The following MACROD2 variants were observed in gnomAD, a reference collection of about 807,000 sequenced individuals.
The protein encoded by MACROD2 is ADP-ribose glycohydrolase MACROD2.
A neutral mutation model predicts 70.4 loss-of-function variants in MACROD2; 36 were observed. That is an observed-to-expected ratio of 0.51 (90% CI 0.39 to 0.68). The LOEUF (loss-of-function observed/expected upper bound fraction) is 0.68. MACROD2 is among the 30% of genes least tolerant of loss of function. MACROD2 has a pLI of 0.00. For missense variants in MACROD2, 496 were observed against 538.4 expected (o/e 0.92, Z 0.78); for synonymous variants, 172 against 178.8 (o/e 0.96, Z 0.30).
chr20:15,791,083 ATTATTTTTC>A (rs1299639243), intron 8 of MACROD2, among the ~76,000 whole-genome samples: 3 of 151,764 alleles, frequency 2.0e-5, no homozygotes, highest in African/African-American at 7.2e-5. Flanking sequence ...CAATTCTACT[ATTATTTTTC>A]TTTGTTTTCC....
At chr20:16,003,073 C>CA (rs1491439856) in intron 15 of MACROD2, among the ~76,000 whole-genome samples, 38 of 37,056 alleles carry the variant, frequency 1.0e-3, no homozygotes, top group African/African-American at 2.3e-3. Flanking sequence ...AGAAAACCCA[C>CA]CCACCCACCC....
intron 5 of MACROD2, among the ~76,000 whole-genome samples, chr20:14,789,455 T>C (rs2072419610): frequency 7.5e-6 from 1 of 133,432 alleles, no homozygotes; most frequent in Non-Finnish European, 1.6e-5. Context: ...AATCAGGTAG[T>C]GCAAATTTTT....
In MACROD2 at chr20:14,867,829, G is replaced by T. The variant is rs1248655272; in HGVS notation, c.418+182870G>T. On this transcript the variant is annotated intron_variant, in intron 5 of 17. Coordinates refer to ENST00000684519, the MANE Select transcript of MACROD2 (RefSeq NM_001351661.2). ...TGTCTAAAAAGTCTGATATTGTGGT[G>T]TCACCTCTTTCTCCAAATTCCTGCT... is the stretch of plus-strand genomic sequence containing the variant. 2.0e-5 allele frequency among the ~76,000 whole-genome samples: 3 copies of T among 152,018 alleles called. No individual in the cohort carries two copies. In the East Asian group the frequency reaches 5.8e-4, roughly 29 times the overall value.
chr20:15,630,663 A>G (rs1483427171), intron 8 of MACROD2, among the ~76,000 whole-genome samples: 1 of 152,224 alleles, frequency 6.6e-6, no homozygotes, highest in Non-Finnish European at 1.5e-5. Context: ...AGTGAGTTTA[A>G]TGTTCACGAA....
chr20:14,854,873 G>A (rs1018679099), intron 5 of MACROD2, among the ~76,000 whole-genome samples: 10 of 152,034 alleles, frequency 6.6e-5, no homozygotes, highest in South Asian at 2.1e-4. Flanking sequence ...AAAATTAGCC[G>A]GGTGTGGTGG....
At chr20:15,418,688 G>A (rs2046188275) in intron 6 of MACROD2, among the ~76,000 whole-genome samples, 1 of 152,168 alleles carries the variant, frequency 6.6e-6, no homozygotes, top group South Asian at 2.1e-4. Context: ...CTCCACTTGG[G>A]TTTGTTTAAA....
intron 5 of MACROD2, among the ~76,000 whole-genome samples, chr20:14,997,228 A>G (rs910466085): frequency 2.6e-5 from 4 of 152,168 alleles, no homozygotes; most frequent in Admixed American, 1.3e-4. Context: ...ACCACAGTAA[A>G]ATAAAGCACC....
chr20:14,461,393 T>A (rs1007713851), intron 3 of MACROD2, among the ~76,000 whole-genome samples: 1 of 151,986 alleles, frequency 6.6e-6, no homozygotes, highest in Non-Finnish European at 1.5e-5. Flanking sequence ...GATTCACTGA[T>A]TTTTTTGAAG....
intron 3 of MACROD2, among the ~76,000 whole-genome samples, chr20:14,134,193 C>A (rs993296751): frequency 1.3e-5 from 2 of 152,126 alleles, no homozygotes; most frequent in African/African-American, 4.8e-5. Flanking sequence ...GTTTTGTGAA[C>A]CTACAGCTTA....
intron 5 of MACROD2, among the ~76,000 whole-genome samples, chr20:14,990,226 A>C (rs1040959591): frequency 6.6e-6 from 1 of 152,106 alleles, no homozygotes; most frequent in Non-Finnish European, 1.5e-5. Context: ...GATCAGCCTC[A>C]TATTTAATAT....
chr20:14,257,970 T>C (rs552387792), intron 3 of MACROD2, among the ~76,000 whole-genome samples: 1 of 152,250 alleles, frequency 6.6e-6, no homozygotes, highest in Admixed American at 6.5e-5. Flanking sequence ...CCATTTAAAA[T>C]TGAGAACATA....
intron 6 of MACROD2, among the ~76,000 whole-genome samples, chr20:15,413,246 G>A (rs1025808127): frequency 2.0e-5 from 3 of 152,004 alleles, no homozygotes; most frequent in East Asian, 1.9e-4. Flanking sequence ...GGCAAGTTTC[G>A]CTTCACATCA....
intron 8 of MACROD2, among the ~76,000 whole-genome samples, chr20:15,759,573 C>A (rs984297620): frequency 5.3e-5 from 8 of 152,108 alleles, no homozygotes; most frequent in Admixed American, 2.0e-4. Flanking sequence ...TACCTATTTC[C>A]CAAATTGCGC....
chr20:14,672,256 C>G (rs966735507), intron 4 of MACROD2, among the ~76,000 whole-genome samples: 1 of 152,176 alleles, frequency 6.6e-6, no homozygotes, highest in African/African-American at 2.4e-5. Flanking sequence ...AGTTGGCCTC[C>G]GCTGAGATGG....
chr20:14,175,116 A>T (rs1022951429), intron 3 of MACROD2, among the ~76,000 whole-genome samples: 1 of 152,120 alleles, frequency 6.6e-6, no homozygotes, highest in African/African-American at 2.4e-5. Flanking sequence ...TGTTCCTGCC[A>T]TAGTTCTTGG....
chr20:15,907,972 A>G (rs1312396725), intron 10 of MACROD2, among the ~76,000 whole-genome samples: 1 of 151,888 alleles, frequency 6.6e-6, no homozygotes, highest in South Asian at 2.1e-4. Context: ...TCATGACTAC[A>G]CTCCCTAAGG....
intron 8 of MACROD2, 31 bp from the exon 9 acceptor site, chr20:15,862,714 T>C (rs1568603730): frequency 1.3e-6 from 2 of 1,571,114 alleles, no homozygotes; most frequent in Admixed American, 3.6e-5. Context: ...ATATTTTTTT[T>C]CACTTTGAGT....
intron 5 of MACROD2, among the ~76,000 whole-genome samples, chr20:14,710,670 T>G (rs2123661297): frequency 6.6e-6 from 1 of 152,344 alleles, no homozygotes; most frequent in South Asian, 2.1e-4. Context: ...AACATCTTCC[T>G]CATTGCCATA....
At chr20:15,405,520 A>G (rs925788174) in intron 6 of MACROD2, among the ~76,000 whole-genome samples, 4 of 152,126 alleles carry the variant, frequency 2.6e-5, no homozygotes, top group African/African-American at 9.7e-5. Context: ...ATCTCTACTG[A>G]AGTCTGTTTG....
Sources: gnomAD v4.1 joint callset for allele counts (sites outside exome capture counted in the v4.1 genomes callset) on GRCh38, gnomAD v4.1.1 for gene constraint, MANE v1.5 for transcripts, NCBI Gene and HGNC (gene_info 2026-07-23, HGNC 2026-07-21) for gene names.